Variants in KIF4A observed in about 807,000 individuals in gnomAD.
KIF4A encodes kinesin family member 4A.
In KIF4A, 7 loss-of-function variants were observed where a neutral mutation model predicts 105.9. That is an observed-to-expected ratio of 0.07 (90% CI 0.04 to 0.12). The LOEUF (loss-of-function observed/expected upper bound fraction) is 0.12, where lower values mean the gene tolerates loss of function less well. KIF4A is among the 10% of genes least tolerant of loss of function. The pLI, the probability that KIF4A is intolerant of heterozygous loss-of-function variation, is 1.00. For synonymous variants in KIF4A, 281 were observed against 331.3 expected (o/e 0.85, Z 1.65); for missense variants, 558 against 929.2 (o/e 0.60, Z 5.19).
intron 15 of KIF4A, among the ~76,000 whole-genome samples, chrX:70,370,544 G>C (rs1371765502): frequency 1.9e-5 from 2 of 108,036 alleles, no homozygotes; most frequent in Admixed American, 1.0e-4. Context: ...TATATATTCT[G>C]TATGTATAGA....
At chrX:70,344,222 A>G (rs1212686847) in intron 13 of KIF4A, among the ~76,000 whole-genome samples, 1 of 112,378 alleles carries the variant, frequency 8.9e-6, no homozygotes, top group East Asian at 2.8e-4. Flanking sequence ...AAGCAACAAC[A>G]TAGCAGTGCA....
chrX:70,302,248 C>G, intron 6 of KIF4A, 56 bp from the exon 7 acceptor site: 2 of 1,164,839 alleles, frequency 1.7e-6, no homozygotes, highest in Non-Finnish European at 2.3e-6. Context: ...CTTTGATATT[C>G]AGTTACTCTC....
intron 10 of KIF4A, among the ~76,000 whole-genome samples, chrX:70,340,857 C>A (rs1039485833): frequency 1.8e-5 from 2 of 111,175 alleles, no homozygotes; most frequent in Non-Finnish European, 3.8e-5. Context: ...TCATTTTTCC[C>A]CTCAGTCTTC....
Position 70,393,799 on chromosome X carries a change from CTCTTTCTTTCTTTCTTTCTT to C in KIF4A, c.2233-1818_2233-1799del, listed in dbSNP as rs1226256913. Among the ~76,000 whole-genome samples the C allele has an allele frequency of 3.3e-3, 191 of 58,553 alleles. 6 individuals carry two copies. Among genetic ancestry groups the C allele is most frequent in the African/African-American group, 0.013 (172 of 13,382 alleles). 50.8% of individuals were successfully genotyped at this position (58,553 alleles called of 115,157 possible). A position where few individuals can be genotyped will look rare whatever the true frequency, so the allele number is the denominator to read the frequency against. Reference sequence around the variant, plus strand: ...AGGTGTGTTTCTTTTCTTTTCTTTTCTCTTTCTTTCTTTCTTTCTTTCTTTCTTTCTTTCTTTCTTTCTTT... The same window carrying C: ...AGGTGTGTTTCTTTTCTTTTCTTTTCTCTTTCTTTCTTTCTTTCTTTCTTT... On this transcript the variant is annotated intron_variant, in intron 20 of 30. Coordinates refer to ENST00000374403, the MANE Select transcript of KIF4A (RefSeq NM_012310.5).
At chrX:70,397,048 G>A in intron 22 of KIF4A, among the ~76,000 whole-genome samples, 1 of 108,587 alleles carries the variant, frequency 9.2e-6, no homozygotes, top group Non-Finnish European at 1.9e-5. Context: ...ACTCCAGCCT[G>A]GGCGATAGAG....
intron 3 of KIF4A, among the ~76,000 whole-genome samples, chrX:70,296,415 A>G (rs2085783737): frequency 8.9e-6 from 1 of 111,912 alleles, no homozygotes; most frequent in South Asian, 3.7e-4. Context: ...TCAATTCTCA[A>G]TAAAAGCAAA....
chrX:70,311,213 G>T (rs1475031336), intron 7 of KIF4A, among the ~76,000 whole-genome samples: 1 of 110,837 alleles, frequency 9.0e-6, no homozygotes, highest in Non-Finnish European at 1.9e-5. Flanking sequence ...ATTGCAAATA[G>T]ATTTACTTTA....
intron 13 of KIF4A, among the ~76,000 whole-genome samples, chrX:70,350,510 G>T (rs1030717389): frequency 8.3e-5 from 9 of 108,534 alleles, no homozygotes; most frequent in Non-Finnish European, 1.5e-4. Context: ...AGGGAGAGAG[G>T]GGGAGGGGGA....
intron 28 of KIF4A, among the ~76,000 whole-genome samples, chrX:70,410,228 T>A (rs1380685041): frequency 1.8e-5 from 2 of 111,855 alleles, no homozygotes; most frequent in Non-Finnish European, 3.8e-5. Context: ...ACAGAGGACC[T>A]TTATTATTAC....
chrX:70,374,694 A>C (rs1481375798), intron 16 of KIF4A, among the ~76,000 whole-genome samples: 2 of 111,889 alleles, frequency 1.8e-5, no homozygotes. Context: ...TTAAAAAATC[A>C]ATCTAGCCAT....
At chrX:70,361,360 A>T (rs530858214) in intron 15 of KIF4A, 36 of 113,897 alleles carry the variant, frequency 3.2e-4, no homozygotes, top group African/African-American at 1.1e-3. Context: ...AGAGGCAGAC[A>T]TCCCCACAAC....
At chrX:70,417,271 G>T (rs770882779) in intron 28 of KIF4A, among the ~76,000 whole-genome samples, 1 of 112,476 alleles carries the variant, frequency 8.9e-6, no homozygotes, top group East Asian at 2.8e-4. Context: ...GGGAGGCCAA[G>T]GTGGGCTGAT....
At chrX:70,362,285 G>A in intron 15 of KIF4A, 1 of 351,212 alleles carries the variant, frequency 2.8e-6, no homozygotes, top group African/African-American at 2.6e-5. Flanking sequence ...TGTGCACCAT[G>A]TACTGGAAAC....
intron 18 of KIF4A, among the ~76,000 whole-genome samples, chrX:70,381,091 G>A (rs1197917679): frequency 8.9e-6 from 1 of 112,044 alleles, no homozygotes; most frequent in Non-Finnish European, 1.9e-5. Context: ...AGAGGTTTCA[G>A]TGAGCTGAGA....
chrX:70,384,237 G>C (rs997002021), intron 18 of KIF4A, among the ~76,000 whole-genome samples: 2 of 111,840 alleles, frequency 1.8e-5, no homozygotes, highest in Non-Finnish European at 3.8e-5. Context: ...ATAATGTTTA[G>C]TGAATGATTT....
intron 7 of KIF4A, among the ~76,000 whole-genome samples, chrX:70,306,726 A>G (rs752402622): frequency 9.9e-5 from 11 of 110,937 alleles, no homozygotes; most frequent in African/African-American, 3.3e-4. Flanking sequence ...TTTTTAGTAG[A>G]GACGGGACTT....
At chrX:70,359,750 C>T (rs1371380173) in intron 15 of KIF4A, among the ~76,000 whole-genome samples, 2 of 111,088 alleles carry the variant, frequency 1.8e-5, no homozygotes, top group Non-Finnish European at 3.8e-5. Flanking sequence ...AAGTCTCTCC[C>T]GACATCATCC....
At chrX:70,331,913 T>A (rs921045543) in intron 9 of KIF4A, among the ~76,000 whole-genome samples, 2 of 111,985 alleles carry the variant, frequency 1.8e-5, no homozygotes, top group Non-Finnish European at 3.8e-5. Context: ...CGAGAGATAA[T>A]GATGGCTTGG....
intron 15 of KIF4A, among the ~76,000 whole-genome samples, chrX:70,360,844 C>T (rs1038382226): frequency 8.9e-6 from 1 of 112,816 alleles, no homozygotes; most frequent in Non-Finnish European, 1.9e-5. Flanking sequence ...CCAAATTTCA[C>T]GAGGGCTCCT....
Sources: allele counts gnomAD v4.1 joint callset (sites outside exome capture counted in the v4.1 genomes callset), GRCh38; gene constraint gnomAD v4.1.1; transcripts MANE v1.5; gene names NCBI Gene and HGNC (gene_info 2026-07-23, HGNC 2026-07-21).